Variants in SLC45A4 observed in about 807,000 individuals in gnomAD.
SLC45A4 encodes solute carrier family 45 member 4, also known as polyamine-transporter SLC45A4.
SLC45A4 carries 32 observed loss-of-function variants against 63.7 expected under a neutral mutation model. The ratio of observed to expected loss-of-function variants is 0.50; its 90% CI spans 0.38 to 0.67. The LOEUF (loss-of-function observed/expected upper bound fraction) is 0.67, where lower values mean the gene tolerates loss of function less well. Ranked by LOEUF, SLC45A4 falls within the 30% of genes least tolerant of loss-of-function variation. The probability of loss-of-function intolerance (pLI) is 0.00; values close to 1 mark genes in which losing one functional copy is unlikely to be tolerated. For synonymous variants in SLC45A4, 535 were observed against 510.0 expected, an observed-to-expected ratio of 1.05 and a Z score of -0.66; for missense variants, 1,027 against 1,157.7, an observed-to-expected ratio of 0.89 and a Z score of 1.64.
intron 2 of SLC45A4, among the ~76,000 whole-genome samples, chr8:141,249,281 A>G (rs1397423385): frequency 6.6e-6 from 1 of 152,240 alleles, no homozygotes; most frequent in Non-Finnish European, 1.5e-5. Flanking sequence ...GAATGTTCAC[A>G]GCAGCTTTAT....
At chr8:141,244,619 C>A (rs1400690937) in intron 2 of SLC45A4, among the ~76,000 whole-genome samples, 1 of 152,154 alleles carries the variant, frequency 6.6e-6, no homozygotes, top group South Asian at 2.1e-4. Context: ...TGAGTGGGAG[C>A]ATGCAGAGGG....
At chr8:141,306,203 T>C (rs1830894975) in intron 1 of SLC45A4, among the ~76,000 whole-genome samples, 1 of 151,644 alleles carries the variant, frequency 6.6e-6, no homozygotes. Flanking sequence ...CTGGGCAGCC[T>C]CCCCACTCCC....
intron 1 of SLC45A4, among the ~76,000 whole-genome samples, chr8:141,307,743 G>C (rs945851139): frequency 6.6e-6 from 1 of 151,518 alleles, no homozygotes. Flanking sequence ...GGAACTGGGG[G>C]CGGGGAGGAC....
At chr8:141,233,392 TA>T (rs955142676) in intron 2 of SLC45A4, among the ~76,000 whole-genome samples, 147 of 152,038 alleles carry the variant, frequency 9.7e-4, no homozygotes, top group African/African-American at 3.3e-3. Context: ...ATTTAAAAAT[TA>T]AAAAAAACAC....
At chr8:141,232,474 A>T (rs1020536929) in intron 2 of SLC45A4, among the ~76,000 whole-genome samples, 10 of 152,258 alleles carry the variant, frequency 6.6e-5, no homozygotes, top group Non-Finnish European at 1.5e-4. Context: ...CCAAGGCCTC[A>T]GGTGAAGACA....
rs938573879 is a variant in SLC45A4 at position 141,208,125 on chromosome 8, G to A, written c.*3447C>T. 4.6e-5 allele frequency: 7 copies of A among 152,288 alleles called. No individual in the cohort carries two copies. The highest frequency in any genetic ancestry group is 9.6e-5 in the African/African-American group (4 of 41,472). 9.4% of individuals were successfully genotyped at this position (152,288 alleles called of 1,614,324 possible). A position where few individuals can be genotyped will look rare whatever the true frequency, so the allele number is the denominator to read the frequency against. ...GACCAAAGTTAAGAAGCGAAACAGC[G>A]TGGGAAAAGGTGTCCATCTTTTCTG... is the stretch of plus-strand genomic sequence containing the variant. On this transcript the variant is annotated 3_prime_UTR_variant, in exon 9 of 9. Coordinates refer to ENST00000517878, the MANE Select transcript of SLC45A4 (RefSeq NM_001286646.2).
intron 2 of SLC45A4, among the ~76,000 whole-genome samples, chr8:141,246,672 T>C (rs1002193849): frequency 5.3e-5 from 2 of 37,682 alleles, no homozygotes. Flanking sequence ...ACAGAGGGTA[T>C]CTCAGGGGTC....
At chr8:141,274,185 C>A (rs933807456) in intron 1 of SLC45A4, among the ~76,000 whole-genome samples, 6 of 151,138 alleles carry the variant, frequency 4.0e-5, no homozygotes, top group Admixed American at 2.0e-4. Context: ...GCCGAGATCA[C>A]GCCACTGCGC....
intron 1 of SLC45A4, among the ~76,000 whole-genome samples, chr8:141,263,552 C>T (rs1331616007): frequency 2.0e-5 from 3 of 151,074 alleles, no homozygotes; most frequent in Non-Finnish European, 4.4e-5. Context: ...TAGATCACGA[C>T]GTCAGATCAA....
rs182239488 is a variant in SLC45A4 at position 141,215,199 on chromosome 8, G to A, written c.1941+560C>T. ...CTACTGAGCATTTGAGATAAAGCTC[G>A]TCTCATGTGTGATGTGCTGTGATGT... On this transcript the variant is annotated intron_variant, in intron 7 of 8. Transcript: ENST00000517878. This position sits in a 1 kb window ranked among gnomAD's most constrained non-coding sequence, Gnocchi z 4.3. Among the ~76,000 whole-genome samples the A allele has an allele frequency of 6.6e-6, 1 of 152,202 alleles. No individual in the cohort carries two copies.
chr8:141,234,692 G>C (rs544607228), intron 2 of SLC45A4, among the ~76,000 whole-genome samples: 1 of 152,198 alleles, frequency 6.6e-6, no homozygotes. Context: ...CTTAGACCCT[G>C]TCAGGGCTGT....
At chr8:141,228,815 A>G (rs990430497) in intron 2 of SLC45A4, among the ~76,000 whole-genome samples, 29 of 152,168 alleles carry the variant, frequency 1.9e-4, no homozygotes, top group Admixed American at 9.2e-4. Flanking sequence ...GAGAGAAAGG[A>G]AAGTTCTAAT....
intron 5 of SLC45A4, 76 bp downstream of exon 5, chr8:141,217,935 G>C (rs1362755064): frequency 6.8e-7 from 1 of 1,478,766 alleles, no homozygotes; most frequent in East Asian, 2.5e-5. Flanking sequence ...GAGGCCCCCC[G>C]GCCCAGCCCG....
chr8:141,253,938 C>G, intron 2 of SLC45A4, 51 bp downstream of exon 2: 7 of 1,527,932 alleles, frequency 4.6e-6, no homozygotes, highest in Non-Finnish European at 6.1e-6. Flanking sequence ...ACGCCCAGTC[C>G]GCTAGCACTC....
At chr8:141,290,120 A>G (rs570223841) in intron 1 of SLC45A4, among the ~76,000 whole-genome samples, 2 of 152,362 alleles carry the variant, frequency 1.3e-5, no homozygotes, top group South Asian at 4.1e-4. Context: ...ATGTCCATAT[A>G]TAATATATAC....
intron 2 of SLC45A4, 76 bp downstream of exon 2, chr8:141,253,913 C>T: frequency 6.6e-7 from 1 of 1,510,388 alleles, no homozygotes; most frequent in Non-Finnish European, 8.9e-7. Context: ...CCTCTGCCTC[C>T]AGAGGATCAG....
At chr8:141,253,696 C>A (rs1265195909) in intron 2 of SLC45A4, among the ~76,000 whole-genome samples, 1 of 152,216 alleles carries the variant, frequency 6.6e-6, no homozygotes, top group East Asian at 1.9e-4. Flanking sequence ...GAGAGGTGAG[C>A]CCCGGCCGAG....
chr8:141,308,248 C>A lies in SLC45A4; in HGVS notation c.-553G>T. 1.4e-5 allele frequency: 2 copies of A among 147,408 alleles called. No individual in the cohort carries two copies. The highest frequency in any genetic ancestry group is 3.9e-4 in the South Asian group (2 of 5,104). The allele number at this position is 147,408 out of a possible 1,614,324, so 9.1% of individuals were successfully genotyped here. On this transcript the variant is annotated 5_prime_UTR_variant, in exon 1 of 9. Transcript: ENST00000517878. Reference sequence around the variant, plus strand: ...TCCCTCGGCCGGCCGGCCGGGCGGTCAGTCAGCGACGCGGGCGCGGAGAGA... The same window carrying A: ...TCCCTCGGCCGGCCGGCCGGGCGGTAAGTCAGCGACGCGGGCGCGGAGAGA...
intron 5 of SLC45A4, 105 bp from the exon 6 acceptor site, chr8:141,217,294 C>A: frequency 8.2e-7 from 1 of 1,219,086 alleles, no homozygotes; most frequent in Non-Finnish European, 1.2e-6. Flanking sequence ...ATTCTAAGAG[C>A]GGTGACAGGA....
Sources: allele counts gnomAD v4.1 joint callset (sites outside exome capture counted in the v4.1 genomes callset), GRCh38; gene constraint gnomAD v4.1.1; non-coding constraint Gnocchi (gnomAD v3.1); transcripts MANE v1.5; gene names NCBI Gene and HGNC (gene_info 2026-07-23, HGNC 2026-07-21).